PDCD1LG2: variants seen among roughly 807,000 people sequenced by gnomAD.
The protein encoded by PDCD1LG2 is programmed cell death 1 ligand 2.
PDCD1LG2 carries 32 observed loss-of-function variants against 28.2 expected under a neutral mutation model. The observed-to-expected ratio is 1.13, with a 90% CI of 0.86 to 1.52. The LOEUF (loss-of-function observed/expected upper bound fraction) is 1.52. PDCD1LG2 is among the 40% of genes most tolerant of loss of function. PDCD1LG2 has a pLI of 0.00. For missense variants in PDCD1LG2, 385 were observed against 323.8 expected (o/e 1.19, Z -1.45); for synonymous variants, 116 against 120.2 (o/e 0.97, Z 0.23).
intron 1 of PDCD1LG2, among the ~76,000 whole-genome samples, chr9:5,514,097 A>G (rs1476243632): frequency 6.6e-6 from 1 of 152,232 alleles, no homozygotes; most frequent in Non-Finnish European, 1.5e-5. Flanking sequence ...TTTTACAAAC[A>G]TGATCCTTTA....
At chr9:5,563,241 C>T in intron 6 of PDCD1LG2, 30 bp downstream of exon 6, 3 of 1,576,286 alleles carry the variant, frequency 1.9e-6, no homozygotes, top group Non-Finnish European at 2.6e-6. Context: ...ACTTTTCTTT[C>T]TTACTTTCTT....
At chr9:5,561,136 C>A (rs1816554311) in intron 5 of PDCD1LG2, among the ~76,000 whole-genome samples, 1 of 152,164 alleles carries the variant, frequency 6.6e-6, no homozygotes, top group Non-Finnish European at 1.5e-5. Flanking sequence ...GCTAGATCTG[C>A]TCTGTCCAAT....
chr9:5,563,612 G>A (rs528905006), intron 6 of PDCD1LG2, among the ~76,000 whole-genome samples: 1 of 152,348 alleles, frequency 6.6e-6, no homozygotes, highest in African/African-American at 2.4e-5. Context: ...GTCTCTTCAT[G>A]AGGTTGACAG....
intron 4 of PDCD1LG2, among the ~76,000 whole-genome samples, 160 bp downstream of exon 4, chr9:5,549,764 T>C (rs1816290582): frequency 6.6e-6 from 1 of 152,204 alleles, no homozygotes; most frequent in African/African-American, 2.4e-5. Flanking sequence ...ACACTGGGGC[T>C]TCAATGTTGG....
chr9:5,543,412 A>G (rs1012109731), intron 3 of PDCD1LG2, among the ~76,000 whole-genome samples: 25 of 152,066 alleles, frequency 1.6e-4, no homozygotes, highest in Non-Finnish European at 1.3e-4. Context: ...GGTGGCAGGC[A>G]CCTGCAGTCG....
chr9:5,563,155 T>A lies in PDCD1LG2; in HGVS notation c.767-7T>A, dbSNP rs200419150. The A allele has an allele frequency of 1.2e-6, 2 of 1,607,520 alleles. No individual in the cohort carries two copies. The highest frequency in any genetic ancestry group is 1.7e-6 in the Non-Finnish European group (2 of 1,174,360). ...CTTATTCCATTTCTGGAATTTTTCC[T>A]TTTCAGACACAACAAAAAGACCTGT... On this transcript the variant is annotated splice_polypyrimidine_tract_variant and splice_region_variant and intron_variant, in intron 5 of 6. Coordinates refer to ENST00000397747, the MANE Select transcript of PDCD1LG2 (RefSeq NM_025239.4).
chr9:5,569,711 G>A lies in PDCD1LG2; in HGVS notation c.817-243G>A, dbSNP rs1273909007. 7.2e-5 allele frequency among the ~76,000 whole-genome samples: 11 copies of A among 152,176 alleles called. No homozygotes were observed. The highest frequency in any genetic ancestry group is 1.6e-4 in the Non-Finnish European group (11 of 68,038). On this transcript the variant is annotated intron_variant, in intron 6 of 6. Transcript: ENST00000397747. This position sits in a 1 kb window ranked among gnomAD's most constrained non-coding sequence, Gnocchi z 4.1. ...GTGCTCCAATATTACTGAACTATGT[G>A]TGGCCCAAAGAATGGAAGAGGAACA...
At chr9:5,516,112 C>T (rs1483084225) in intron 1 of PDCD1LG2, among the ~76,000 whole-genome samples, 4 of 151,640 alleles carry the variant, frequency 2.6e-5, no homozygotes, top group East Asian at 2.0e-4. Context: ...AGTGCAGTGG[C>T]GCAATCTCGG....
chr9:5,537,065 G>A (rs1333186786), intron 3 of PDCD1LG2, among the ~76,000 whole-genome samples: 1 of 152,094 alleles, frequency 6.6e-6, no homozygotes, highest in Non-Finnish European at 1.5e-5. Context: ...CAAATAATGT[G>A]GTATCTAATT....
chr9:5,548,873 A>G (rs2129870292), intron 3 of PDCD1LG2, among the ~76,000 whole-genome samples: 1 of 152,364 alleles, frequency 6.6e-6, no homozygotes, highest in East Asian at 1.9e-4. Context: ...AAAATACCAA[A>G]TAAAGTGAGA....
chr9:5,542,178 A>T (rs1405944466), intron 3 of PDCD1LG2, among the ~76,000 whole-genome samples: 1 of 152,204 alleles, frequency 6.6e-6, no homozygotes, highest in Non-Finnish European at 1.5e-5. Context: ...TAAAAAATCA[A>T]CTCAAGATGG....
At chr9:5,533,272 A>T (rs1421886171) in intron 2 of PDCD1LG2, among the ~76,000 whole-genome samples, 1 of 152,086 alleles carries the variant, frequency 6.6e-6, no homozygotes, top group African/African-American at 2.4e-5. Context: ...AAGCAGCCTA[A>T]TTTTGTCATT....
chr9:5,550,099 T>A (rs1201542898), intron 4 of PDCD1LG2, among the ~76,000 whole-genome samples: 1 of 152,212 alleles, frequency 6.6e-6, no homozygotes, highest in South Asian at 2.1e-4. Flanking sequence ...AAATATCTAG[T>A]ACAATAGCTA....
chr9:5,562,533 G>A (rs2129943469), intron 5 of PDCD1LG2, among the ~76,000 whole-genome samples: 1 of 152,234 alleles, frequency 6.6e-6, no homozygotes, highest in East Asian at 1.9e-4. Flanking sequence ...GCTGCATATT[G>A]AGTTCAATGT....
chr9:5,514,011 C>T (rs977874169), intron 1 of PDCD1LG2, among the ~76,000 whole-genome samples: 6 of 152,166 alleles, frequency 3.9e-5, no homozygotes, highest in Non-Finnish European at 8.8e-5. Flanking sequence ...TCATGGATAG[C>T]CGGGCTCTAC....
At chr9:5,543,381 T>C (rs973849106) in intron 3 of PDCD1LG2, among the ~76,000 whole-genome samples, 4 of 151,712 alleles carry the variant, frequency 2.6e-5, no homozygotes, top group Non-Finnish European at 4.4e-5. Context: ...CTACTAAAAA[T>C]ACAAAAAATT....
chr9:5,534,797 C>G lies in PDCD1LG2; in HGVS notation c.108C>G (p.Ser36Arg), dbSNP rs992575112. Reference protein sequence around the residue: ...PKELYIIEHGSNVTLECNFDT... With the variant: ...PKELYIIEHGRNVTLECNFDT... Reference sequence around the variant, plus strand: ...AACTGTACATAATAGAGCATGGCAGCAATGTGACCCTGGAATGCAACTTTG... The same window carrying G: ...AACTGTACATAATAGAGCATGGCAGGAATGTGACCCTGGAATGCAACTTTG... The change falls in exon 3 of 7, where the codon AGC (serine) becomes AGG (arginine). Residue 36 changes from serine (S) to arginine (R), a missense_variant. Coordinates refer to ENST00000397747, the MANE Select transcript of PDCD1LG2 (RefSeq NM_025239.4). 6.8e-6 allele frequency: 11 copies of G among 1,613,928 alleles called. No individual in the cohort carries two copies. In the African/African-American group the frequency reaches 1.3e-4, roughly 20 times the overall value.
chr9:5,563,348 C>A, intron 6 of PDCD1LG2, 137 bp downstream of exon 6: 2 of 779,066 alleles, frequency 2.6e-6, no homozygotes, highest in Non-Finnish European at 2.0e-6. Flanking sequence ...TGTTTGGTAG[C>A]ATTTCAGCGA....
intron 3 of PDCD1LG2, among the ~76,000 whole-genome samples, chr9:5,541,508 T>G (rs1820685210): frequency 6.6e-6 from 1 of 152,120 alleles, no homozygotes; most frequent in African/African-American, 2.4e-5. Flanking sequence ...TCAGCAAAGT[T>G]TCAGGATACA....
Sources: allele counts gnomAD v4.1 joint callset (sites outside exome capture counted in the v4.1 genomes callset), GRCh38; gene constraint gnomAD v4.1.1; non-coding constraint Gnocchi (gnomAD v3.1); transcripts MANE v1.5; gene names NCBI Gene and HGNC (gene_info 2026-07-23, HGNC 2026-07-21).